The following ZCCHC14 variants were observed in gnomAD, a reference collection of about 807,000 sequenced individuals.
ZCCHC14 encodes the protein zinc finger CCHC domain-containing protein 14.
A neutral mutation model predicts 85.0 loss-of-function variants in ZCCHC14; 16 were observed. That is an observed-to-expected ratio of 0.19 (90% CI 0.13 to 0.29). ZCCHC14 has a LOEUF of 0.29. ZCCHC14 is among the 10% of genes least tolerant of loss of function. The pLI is 1.00. For synonymous variants in ZCCHC14, 775 were observed against 630.7 expected, an observed-to-expected ratio of 1.23 and a Z score of -3.43; for missense variants, 1,303 against 1,443.5, an observed-to-expected ratio of 0.90 and a Z score of 1.58.
At chr16:87,425,408 C>G (rs895453998) in intron 3 of ZCCHC14, among the ~76,000 whole-genome samples, 57 of 151,994 alleles carry the variant, frequency 3.8e-4, no homozygotes, top group Admixed American at 3.7e-3. Flanking sequence ...GAAACCCCGT[C>G]TCTACTAAAA....
intron 3 of ZCCHC14, among the ~76,000 whole-genome samples, chr16:87,426,291 C>G (rs1489829808): frequency 6.6e-6 from 1 of 152,288 alleles, no homozygotes; most frequent in South Asian, 2.1e-4. Flanking sequence ...CTGCCTGACC[C>G]GTACTATGGG....
chr16:87,439,447 C>A (rs1322385159), intron 2 of ZCCHC14, among the ~76,000 whole-genome samples: 1 of 152,172 alleles, frequency 6.6e-6, no homozygotes, highest in Non-Finnish European at 1.5e-5. Context: ...GTTCTTACTC[C>A]TCACTTTGCT....
rs747295626 is a variant in ZCCHC14 at position 87,417,676 on chromosome 16, C to T, written c.1167G>A (p.Pro389=). The part of the protein sequence containing the change: ...QSGAQHHGQH[P]AGSAAPLPHC... ...GAGGCAAGGGGGCGGCGGAGCCGGC[C>T]GGGTGCTGCCCGTGGTGCTGGGCTC... Residue 389 remains proline (P), a synonymous_variant, in exon 8 of 13, where the codon CCG becomes CCA. Transcript: ENST00000671377. 2.3e-5 allele frequency: 37 copies of T among 1,610,912 alleles called. No individual in the cohort carries two copies. The highest frequency in any genetic ancestry group is 4.0e-5 in the African/African-American group (3 of 74,868).
At chr16:87,460,248 G>A (rs746349598) in intron 1 of ZCCHC14, 117 bp from the exon 2 acceptor site, 2 of 1,320,692 alleles carry the variant, frequency 1.5e-6, no homozygotes, top group African/African-American at 2.9e-5. Flanking sequence ...TACAAAACAT[G>A]TATTATTATA....
At chr16:87,445,429 T>C (rs946839395) in intron 2 of ZCCHC14, among the ~76,000 whole-genome samples, 5 of 152,202 alleles carry the variant, frequency 3.3e-5, no homozygotes, top group East Asian at 1.9e-4. Flanking sequence ...AAGAAAGGCA[T>C]TGTCTGTCAG....
chr16:87,466,492 T>C (rs1471368371), intron 1 of ZCCHC14, among the ~76,000 whole-genome samples: 4 of 152,208 alleles, frequency 2.6e-5, no homozygotes, highest in Non-Finnish European at 5.9e-5. Context: ...TCTCTGGCAG[T>C]TCGATGACAC....
intron 1 of ZCCHC14, among the ~76,000 whole-genome samples, chr16:87,476,632 TG>T (rs2150772352): frequency 6.6e-6 from 1 of 150,908 alleles, no homozygotes; most frequent in African/African-American, 2.4e-5. Flanking sequence ...ACAGATAAAA[TG>T]GAATTCCATG....
intron 1 of ZCCHC14, among the ~76,000 whole-genome samples, chr16:87,475,850 T>G (rs1373656960): frequency 6.6e-6 from 1 of 152,096 alleles, no homozygotes; most frequent in Non-Finnish European, 1.5e-5. Context: ...AAATTATGGC[T>G]GAAAATTTCC....
intron 4 of ZCCHC14, among the ~76,000 whole-genome samples, chr16:87,423,350 A>G (rs1909202292): frequency 6.6e-6 from 1 of 152,190 alleles, no homozygotes; most frequent in African/African-American, 2.4e-5. Flanking sequence ...TACCACCACA[A>G]CCCAGCCTGG....
rs1909055943 is a variant in ZCCHC14 at position 87,420,794 on chromosome 16, C to G, written c.841-78G>C. On this transcript the variant is annotated intron_variant, in intron 4 of 12. Coordinates refer to ENST00000671377, the MANE Select transcript of ZCCHC14 (RefSeq NM_015144.3). This position sits in a 1 kb window ranked among gnomAD's most constrained non-coding sequence, Gnocchi z 5.0. Reference sequence around the variant, plus strand: ...CAGAATTCTGCTACTGCAGGAAAACCTGGGGCAGGTGCTCCATGGTGCCGC... The same window carrying G: ...CAGAATTCTGCTACTGCAGGAAAACGTGGGGCAGGTGCTCCATGGTGCCGC... The G allele has an allele frequency of 2.4e-6, 3 of 1,274,152 alleles. No homozygotes were observed. Among genetic ancestry groups the G allele is most frequent in the Non-Finnish European group, 2.2e-6 (2 of 918,104 alleles). The allele number at this position is 1,274,152 out of a possible 1,614,324, so 78.9% of individuals were successfully genotyped here. A position where few individuals can be genotyped will look rare whatever the true frequency, so the allele number is the denominator to read the frequency against.
intron 2 of ZCCHC14, among the ~76,000 whole-genome samples, chr16:87,459,178 T>C (rs1307808709): frequency 6.6e-6 from 1 of 152,184 alleles, no homozygotes; most frequent in Non-Finnish European, 1.5e-5. Context: ...CCAGTCACAT[T>C]AGCCATGTTT....
chr16:87,412,286 G>A lies in ZCCHC14; in HGVS notation c.2435C>T (p.Ala812Val). Residue 812 changes from alanine (A) to valine (V), a missense_variant, in exon 12 of 13, where the codon GCT (alanine) becomes GTT (valine). By Grantham distance (64) the Ala-to-Val change is moderately conservative. Around this residue, in one of 7 missense-constraint regions of ZCCHC14, gnomAD observed 797 missense variants for 730.8 expected, o/e 1.09. Transcript: ENST00000671377. The part of the protein sequence containing the change: ...VPPAIINPRT[A>V]LYTANTKVAF... ...AACTTTGGTGTTGGCTGTGTACAGA[G>A]CAGTCCGGGGGTTTATTATTGCAGG... 3 of 1,613,992 alleles carry A rather than the reference G, an allele frequency of 1.9e-6. No homozygotes were observed. The highest frequency in any genetic ancestry group is 1.7e-6 in the Non-Finnish European group (2 of 1,180,050).
At chr16:87,454,940 G>A (rs938013519) in intron 2 of ZCCHC14, among the ~76,000 whole-genome samples, 10 of 152,200 alleles carry the variant, frequency 6.6e-5, no homozygotes, top group Non-Finnish European at 1.2e-4. Context: ...TAAATGCTCT[G>A]CCACGGCTGA....
intron 1 of ZCCHC14, among the ~76,000 whole-genome samples, chr16:87,469,915 C>T (rs1038351443): frequency 1.3e-5 from 2 of 152,204 alleles, no homozygotes; most frequent in Non-Finnish European, 2.9e-5. Flanking sequence ...CAAGTAGAGA[C>T]TTTACCACGA....
At chr16:87,431,472 G>GAAAAAAAAAAAA (rs537437083) in intron 3 of ZCCHC14, among the ~76,000 whole-genome samples, 3 of 76,692 alleles carry the variant, frequency 3.9e-5, no homozygotes, top group Non-Finnish European at 8.6e-5. Flanking sequence ...GGCTCTGTCT[G>GAAAAAAAAAAAA]AAAAAAAAAA....
chr16:87,417,780 G>A (rs760171556), intron 7 of ZCCHC14, 38 bp from the exon 8 acceptor site: 1 of 1,527,014 alleles, frequency 6.5e-7, no homozygotes, highest in Non-Finnish European at 8.8e-7. Context: ...GAGAGACTGT[G>A]GCTTCCACAA....
intron 1 of ZCCHC14, among the ~76,000 whole-genome samples, chr16:87,482,122 T>G (rs1181884825): frequency 1.3e-5 from 2 of 152,142 alleles, no homozygotes; most frequent in Non-Finnish European, 2.9e-5. Flanking sequence ...GGATTAAGTT[T>G]CTAAGACGCA....
chr16:87,485,061 G>A (rs1239023428), intron 1 of ZCCHC14, among the ~76,000 whole-genome samples: 1 of 152,190 alleles, frequency 6.6e-6, no homozygotes, highest in Non-Finnish European at 1.5e-5. Flanking sequence ...TTTTCTGTGA[G>A]CCTGCAAAGC....
At chr16:87,413,345 G>C (rs1011312713) in intron 10 of ZCCHC14, 150 bp from the exon 11 acceptor site, 1 of 1,164,172 alleles carries the variant, frequency 8.6e-7, no homozygotes. Flanking sequence ...GGCCCAGGCC[G>C]CACGGTGACG....
Sources: allele counts gnomAD v4.1 joint callset (sites outside exome capture counted in the v4.1 genomes callset), GRCh38; gene constraint gnomAD v4.1.1; regional missense constraint gnomAD v4.1.1; non-coding constraint Gnocchi (gnomAD v3.1); transcripts MANE v1.5; gene names NCBI Gene and HGNC (gene_info 2026-07-23, HGNC 2026-07-21).